Variants in ZC3H12A observed in about 807,000 individuals in gnomAD.
The protein encoded by ZC3H12A is endoribonuclease ZC3H12A.
In ZC3H12A, 9 loss-of-function variants were observed where a neutral mutation model predicts 29.9. The ratio of observed to expected loss-of-function variants is 0.30; its 90% CI spans 0.18 to 0.53. The LOEUF is 0.53. ZC3H12A is among the 20% of genes least tolerant of loss of function. The pLI is 0.96. For synonymous variants in ZC3H12A, 323 were observed against 338.1 expected (o/e 0.96, Z 0.49); for missense variants, 617 against 799.0 (o/e 0.77, Z 2.75).
rs1641668221 is a variant in ZC3H12A, at chr1:37,479,928, G to A, written c.444-362G>A. On this transcript the variant is annotated intron_variant, in intron 2 of 5. Transcript: ENST00000373087. The surrounding 1 kb of genome is among the most constrained non-coding windows in gnomAD (Gnocchi z 4.5). The stretch of plus-strand genomic sequence containing the variant: ...CGGCACCTTTCCCCCACCCCCAGGT[G>A]TGTTGCAAGTGGCCTGGCCCTCCCC... The A allele has an allele frequency of 1.9e-6, 2 of 1,032,874 alleles. No individual in the cohort carries two copies. The highest frequency in any genetic ancestry group is 1.7e-4 in the East Asian group (2 of 12,018). The allele number at this position is 1,032,874 out of a possible 1,614,324, so 64.0% of individuals were successfully genotyped here. A position where few individuals can be genotyped will look rare whatever the true frequency, so the allele number is the denominator to read the frequency against.
In ZC3H12A at chr1:37,481,803, G is replaced by A. The variant is rs148682924; in HGVS notation, c.786G>A (p.Glu262=). The A allele has an allele frequency of 2.5e-6, 4 of 1,614,240 alleles. No homozygotes were observed. The highest frequency in any genetic ancestry group is 1.7e-6 in the Non-Finnish European group (2 of 1,180,032). Residue 262 remains glutamate (E), a synonymous_variant, in exon 4 of 6, where the codon GAG becomes GAA. Coordinates refer to ENST00000373087, the MANE Select transcript of ZC3H12A (RefSeq NM_025079.3). The part of the protein sequence containing the change: ...ERQEWKRFIE[E]RLLMYSFVND... The stretch of plus-strand genomic sequence containing the variant: ...AGGAGTGGAAGCGCTTCATCGAGGA[G>A]CGGCTGCTCATGTACTCCTTCGTCA...
In ZC3H12A at chr1:37,479,979, T is replaced by G; in HGVS notation, c.444-311T>G. ...CACCGTGGGGAGCAGTGCTGCCAGC[T>G]TCCTGGGCGCTTCCTCACTTTCAGG... On this transcript the variant is annotated intron_variant, in intron 2 of 5. Transcript: ENST00000373087. The surrounding 1 kb of genome is among the most constrained non-coding windows in gnomAD (Gnocchi z 4.5). The G allele has an allele frequency of 2.7e-6, 3 of 1,118,858 alleles. No homozygotes were observed. In the South Asian group the frequency reaches 9.7e-5, roughly 36 times the overall value. The allele number at this position is 1,118,858 out of a possible 1,614,324, so 69.3% of individuals were successfully genotyped here. A position where few individuals can be genotyped will look rare whatever the true frequency, so the allele number is the denominator to read the frequency against.
At position 37,483,647 on chromosome 1, in the gene ZC3H12A, T is replaced by G; in HGVS notation, c.*36T>G. On this transcript the variant is annotated 3_prime_UTR_variant, in exon 6 of 6. Coordinates refer to ENST00000373087, the MANE Select transcript of ZC3H12A (RefSeq NM_025079.3). ...GCTGGCAAGGGCAGCACCCCCAGCCTCCAAGGGCCGTCAGGCTGGGCTTTG... is the reference window on the plus strand; with the variant it reads ...GCTGGCAAGGGCAGCACCCCCAGCCGCCAAGGGCCGTCAGGCTGGGCTTTG... 1 of 1,540,196 alleles carries G rather than the reference T, an allele frequency of 6.5e-7. No individual in the cohort carries two copies. Among genetic ancestry groups the G allele is most frequent in the Non-Finnish European group, 8.7e-7 (1 of 1,144,150 alleles).
intron 3 of ZC3H12A, among the ~76,000 whole-genome samples, chr1:37,481,158 C>A (rs1291063741): frequency 6.6e-6 from 1 of 152,144 alleles, no homozygotes; most frequent in African/African-American, 2.4e-5. Flanking sequence ...GTGGCCTGAC[C>A]TTTTCCCACC....
At position 37,479,120 on chromosome 1, in the gene ZC3H12A, GTT is replaced by G. The variant is rs1370986507; in HGVS notation, c.444-1167_444-1166del. On this transcript the variant is annotated intron_variant, in intron 2 of 5. Coordinates refer to ENST00000373087, the MANE Select transcript of ZC3H12A (RefSeq NM_025079.3). This position sits in a 1 kb window ranked among gnomAD's most constrained non-coding sequence, Gnocchi z 4.5. ...GCCTCTTTTGCGTAACATTTATTCT[GTT>G]TTATTTGCCAAATACGAGAGTCTAA... is the stretch of plus-strand genomic sequence containing the variant. 2.0e-6 allele frequency: 2 copies of G among 985,282 alleles called. No individual in the cohort carries two copies. The highest frequency in any genetic ancestry group is 2.4e-6 in the Non-Finnish European group (2 of 829,936). The allele number at this position is 985,282 out of a possible 1,614,324, so 61.0% of individuals were successfully genotyped here.
rs754138111 is a variant in ZC3H12A at position 37,483,063 on chromosome 1, A to G, written c.1252A>G (p.Thr418Ala). 1 of 1,609,056 alleles carries G rather than the reference A, an allele frequency of 6.2e-7. No homozygotes were observed. Among genetic ancestry groups the G allele is most frequent in the Non-Finnish European group, 8.5e-7 (1 of 1,178,106 alleles). ...SGGSGSSFGPTDWLPQTLDSL... is the reference protein window; with the variant it reads ...SGGSGSSFGPADWLPQTLDSL... ...GGGCAGTGGCAGCAGCTTTGGGCCCACAGACTGGCTCCCACAGACGCTGGA... is the reference window on the plus strand; with the variant it reads ...GGGCAGTGGCAGCAGCTTTGGGCCCGCAGACTGGCTCCCACAGACGCTGGA... Residue 418 changes from threonine to alanine, a missense_variant, in exon 6 of 6, where the codon ACA becomes GCA. By Grantham distance (58) the Thr-to-Ala change is moderately conservative. Around this residue, in one of 5 missense-constraint regions of ZC3H12A, gnomAD observed 115 missense variants for 112.5 expected, o/e 1.02. Transcript: ENST00000373087.
rs1467530896 is a variant in ZC3H12A at position 37,476,405 on chromosome 1, C to G, written c.443+466C>G. ...GCAGTTGTTGTTGTTATTTCAGGGG[C>G]TGGGCTTCTGAGGCCTTCTTGTCTC... On this transcript the variant is annotated intron_variant, in intron 2 of 5. Transcript: ENST00000373087. This position sits in a 1 kb window ranked among gnomAD's most constrained non-coding sequence, Gnocchi z 6.0. Among the ~76,000 whole-genome samples the G allele has an allele frequency of 1.3e-5, 2 of 152,204 alleles. No individual in the cohort carries two copies. Among genetic ancestry groups the G allele is most frequent in the Non-Finnish European group, 2.9e-5 (2 of 68,044 alleles).
intron 3 of ZC3H12A, 101 bp downstream of exon 3, chr1:37,480,530 A>G: frequency 7.0e-7 from 1 of 1,420,566 alleles, no homozygotes; most frequent in East Asian, 2.4e-5. Context: ...TCTAGAACTC[A>G]AGCAGGGACC....
At position 37,475,222 on chromosome 1, in the gene ZC3H12A, G is replaced by T. The variant is rs1641558335; in HGVS notation, c.-38-237G>T. Among the ~76,000 whole-genome samples the T allele has an allele frequency of 6.6e-6, 1 of 152,238 alleles. No individual in the cohort carries two copies. The highest frequency in any genetic ancestry group is 1.5e-5 in the Non-Finnish European group (1 of 68,036). The stretch of plus-strand genomic sequence containing the variant: ...GTTCAGACTAAGTTCCGATCTTCGA[G>T]CCACCAGCTAACAGCTGGATGACCT... On this transcript the variant is annotated intron_variant, in intron 1 of 5. Transcript: ENST00000373087. The surrounding 1 kb of genome is among the most constrained non-coding windows in gnomAD (Gnocchi z 5.2).
intron 2 of ZC3H12A, among the ~76,000 whole-genome samples, chr1:37,477,815 G>A (rs1569920127): frequency 6.6e-6 from 1 of 152,204 alleles, no homozygotes. Context: ...AGAGACTAAA[G>A]CTAGCTGTAG....
At position 37,481,767 on chromosome 1, in the gene ZC3H12A, A is replaced by G. The variant is rs139293932; in HGVS notation, c.750A>G (p.Gln250=). The G allele has an allele frequency of 2.2e-4, 356 of 1,614,104 alleles. 1 individual carries two copies. Among genetic ancestry groups the G allele is most frequent in the Admixed American group, 6.3e-4 (38 of 60,008 alleles). ...VVSNDTYRDL[Q]GERQEWKRFI... ...CCAACGACACATACCGTGACCTCCA[A>G]GGCGAGCGGCAGGAGTGGAAGCGCT... Residue 250 remains glutamine (Q), a synonymous_variant, in exon 4 of 6, where the codon CAA becomes CAG. Transcript: ENST00000373087.
rs1641771483 is a variant in ZC3H12A at position 37,483,886 on chromosome 1, C to T, written c.*275C>T. ...TAGTTTAAGGAGACGCTGCCGGTAA[C>T]GGCGTCGGTCCGTGGCTGAGGCCCA... On this transcript the variant is annotated 3_prime_UTR_variant, in exon 6 of 6. Coordinates refer to ENST00000373087, the MANE Select transcript of ZC3H12A (RefSeq NM_025079.3). The T allele has an allele frequency of 9.7e-6, 4 of 411,896 alleles. No individual in the cohort carries two copies. The highest frequency in any genetic ancestry group is 3.9e-5 in the Admixed American group (1 of 25,398). The allele number at this position is 411,896 out of a possible 1,614,324, so 25.5% of individuals were successfully genotyped here. A position where few individuals can be genotyped will look rare whatever the true frequency, so the allele number is the denominator to read the frequency against.
In ZC3H12A at chr1:37,478,820, T is replaced by C. The variant is rs1033632284; in HGVS notation, c.444-1470T>C. 85 of 985,102 alleles carry C rather than the reference T, an allele frequency of 8.6e-5. No homozygotes were observed. The highest frequency in any genetic ancestry group is 9.8e-5 in the Non-Finnish European group (81 of 829,756). 61.0% of individuals were successfully genotyped at this position (985,102 alleles called of 1,614,324 possible). A position where few individuals can be genotyped will look rare whatever the true frequency, so the allele number is the denominator to read the frequency against. On this transcript the variant is annotated intron_variant, in intron 2 of 5. Transcript: ENST00000373087. The surrounding 1 kb of genome is among the most constrained non-coding windows in gnomAD (Gnocchi z 5.2). ...TTAGACACTTATAACAGGGCCTGGT[T>C]CACAGCTCTCAGCAAATGGGAACTT...
At position 37,478,460 on chromosome 1, in the gene ZC3H12A, CTT is replaced by C. The variant is rs1388779781; in HGVS notation, c.444-1829_444-1828del. 6.6e-6 allele frequency among the ~76,000 whole-genome samples: 1 copy of C among 152,214 alleles called. No individual in the cohort carries two copies. Among genetic ancestry groups the C allele is most frequent in the East Asian group, 1.9e-4 (1 of 5,202 alleles). On this transcript the variant is annotated intron_variant, in intron 2 of 5. Transcript: ENST00000373087. The surrounding 1 kb of genome is among the most constrained non-coding windows in gnomAD (Gnocchi z 5.2). The stretch of plus-strand genomic sequence containing the variant: ...ACCTGGGTTCGAGTTCTGACTGTCT[CTT>C]ACCACTAGCCAGGTGACCTTCCTTT...
chr1:37,483,667 G>A lies in ZC3H12A; in HGVS notation c.*56G>A, dbSNP rs1222142320. ...CAGCCTCCAAGGGCCGTCAGGCTGG[G>A]CTTTGGGCCATTGAGCAGCCCATTC... On this transcript the variant is annotated 3_prime_UTR_variant, in exon 6 of 6. Coordinates refer to ENST00000373087, the MANE Select transcript of ZC3H12A (RefSeq NM_025079.3). 1 of 1,501,164 alleles carries A rather than the reference G, an allele frequency of 6.7e-7. No homozygotes were observed. Among genetic ancestry groups the A allele is most frequent in the East Asian group, 2.4e-5 (1 of 41,010 alleles). 93.0% of individuals were successfully genotyped at this position (1,501,164 alleles called of 1,614,324 possible).
At chr1:37,474,892 C>A (rs1046639305) in intron 1 of ZC3H12A, among the ~76,000 whole-genome samples, 3 of 152,174 alleles carry the variant, frequency 2.0e-5, no homozygotes, top group Admixed American at 6.5e-5. Flanking sequence ...CGGGCCGGGA[C>A]AGCCTCGGCG....
rs142832569 is a variant in ZC3H12A, at chr1:37,481,775, G to A, written c.758G>A (p.Arg253Gln). ...NDTYRDLQGE[R>Q]QEWKRFIEER... The stretch of plus-strand genomic sequence containing the variant: ...ACATACCGTGACCTCCAAGGCGAGC[G>A]GCAGGAGTGGAAGCGCTTCATCGAG... The change falls in exon 4 of 6, where the codon CGG (arginine) becomes CAG (glutamine). Residue 253 changes from arginine to glutamine, a missense_variant. Physicochemically the swap from Arg to Gln is conservative, Grantham distance 43. Coordinates refer to ENST00000373087, the MANE Select transcript of ZC3H12A (RefSeq NM_025079.3). 2.5e-5 allele frequency: 41 copies of A among 1,614,212 alleles called. No individual in the cohort carries two copies. The highest frequency in any genetic ancestry group is 2.2e-5 in the East Asian group (1 of 44,880).
intron 2 of ZC3H12A, among the ~76,000 whole-genome samples, chr1:37,477,515 C>T (rs565538998): frequency 6.6e-6 from 1 of 152,310 alleles, no homozygotes; most frequent in Admixed American, 6.5e-5. Flanking sequence ...CGGGCTAGCC[C>T]CCCCATCATA....
intron 1 of ZC3H12A, among the ~76,000 whole-genome samples, chr1:37,474,868 G>A (rs1641548730): frequency 1.3e-5 from 2 of 152,200 alleles, no homozygotes; most frequent in African/African-American, 2.4e-5. Context: ...CGCGGGCCGA[G>A]CAAGCGCGGG....
Sources: allele counts gnomAD v4.1 joint callset (sites outside exome capture counted in the v4.1 genomes callset), GRCh38; gene constraint gnomAD v4.1.1; regional missense constraint gnomAD v4.1.1; non-coding constraint Gnocchi (gnomAD v3.1); transcripts MANE v1.5; gene names NCBI Gene and HGNC (gene_info 2026-07-23, HGNC 2026-07-21).